Variants in LSM8 observed in about 807,000 individuals in gnomAD.
LSM8 encodes the protein LSM8 homolog, U6 small nuclear RNA associated.
LSM8 carries 14 observed loss-of-function variants against 15.0 expected under a neutral mutation model. The ratio of observed to expected loss-of-function variants is 0.93; its 90% CI spans 0.62 to 1.46. The LOEUF is 1.46. Among genes scored for constraint, LSM8 ranks in the 40% most tolerant of loss-of-function variants. The pLI is 0.00. For synonymous variants in LSM8, 50 were observed against 42.1 expected, an observed-to-expected ratio of 1.19 and a Z score of -0.73; for missense variants, 90 against 115.4, an observed-to-expected ratio of 0.78 and a Z score of 1.01.
In LSM8 at chr7:118,197,193, AG is replaced by A. The variant is rs1378185207; in HGVS notation, c.*5193del. 3.4e-5 allele frequency among the ~76,000 whole-genome samples: 3 copies of A among 88,596 alleles called. No individual in the cohort carries two copies. The East Asian group carries it at 8.9e-4, about 26-fold the overall frequency. 58.1% of individuals were successfully genotyped at this position (88,596 alleles called of 152,430 possible). A position where few individuals can be genotyped will look rare whatever the true frequency, so the allele number is the denominator to read the frequency against. On this transcript the variant is annotated 3_prime_UTR_variant, in exon 4 of 4. Coordinates refer to ENST00000249299, the MANE Select transcript of LSM8 (RefSeq NM_016200.5). ...CACTGCATATATTTTGCTATTATGTAGGTTTTTTTTTTTTTTCCACATATAC... is the reference window on the plus strand; with the variant it reads ...CACTGCATATATTTTGCTATTATGTAGTTTTTTTTTTTTTTCCACATATAC...
rs1809115598 is a variant in LSM8, at chr7:118,198,430, T to A, written c.*6428T>A. On this transcript the variant is annotated 3_prime_UTR_variant, in exon 4 of 4. Coordinates refer to ENST00000249299, the MANE Select transcript of LSM8 (RefSeq NM_016200.5). ...AGAAAGAAGAATAAACCTTAACAACTCATTAGTAATCCTTCATTTCCTGAG... is the reference window on the plus strand; with the variant it reads ...AGAAAGAAGAATAAACCTTAACAACACATTAGTAATCCTTCATTTCCTGAG... 6.6e-6 allele frequency among the ~76,000 whole-genome samples: 1 copy of A among 152,148 alleles called. No individual in the cohort carries two copies. The highest frequency in any genetic ancestry group is 1.9e-4 in the East Asian group (1 of 5,160).
At chr7:118,186,929 TTTG>T (rs1164735717) in intron 2 of LSM8, among the ~76,000 whole-genome samples, 5 of 152,216 alleles carry the variant, frequency 3.3e-5, no homozygotes, top group Admixed American at 2.0e-4. Flanking sequence ...TTTTCTTATT[TTTG>T]TTGACAGGGT....
At chr7:118,184,420 CCCGCTGCTGCGGGCCCA>C in intron 1 of LSM8, 166 bp downstream of exon 1, 1 of 762,020 alleles carries the variant, frequency 1.3e-6, no homozygotes, top group Non-Finnish European at 1.9e-6. Flanking sequence ...CTCGAGCCTT[CCCGCTGCTGCGGGCCCA>C]GGGGTCCTTT....
rs1398406088 is a variant in LSM8 at position 118,199,087 on chromosome 7, G to C, written c.*7085G>C. On this transcript the variant is annotated 3_prime_UTR_variant, in exon 4 of 4. Coordinates refer to ENST00000249299, the MANE Select transcript of LSM8 (RefSeq NM_016200.5). ...AGAGGACATCTTGAAGTTTGTGCCTGGTTTCTCCTGATTTTCACCCTGCAC... is the reference window on the plus strand; with the variant it reads ...AGAGGACATCTTGAAGTTTGTGCCTCGTTTCTCCTGATTTTCACCCTGCAC... Among the ~76,000 whole-genome samples, 2 of 152,136 alleles carry C rather than the reference G, an allele frequency of 1.3e-5. No individual in the cohort carries two copies. Among genetic ancestry groups the C allele is most frequent in the Non-Finnish European group, 2.9e-5 (2 of 68,014 alleles).
chr7:118,188,335 C>T lies in LSM8; in HGVS notation c.130C>T (p.Arg44Ter), dbSNP rs767758783. ...INLILDESHERVFSSSQGVEQ... is the reference protein window; with the variant it reads ...INLILDESHE ...TTTGATTTTGGATGAAAGCCATGAA[C>T]GAGTATTCAGCTCTTCACAGGGGGT... The change falls in exon 3 of 4, where the codon CGA becomes TGA. Residue 44 changes from arginine to a stop codon, truncating the protein, a stop_gained. Coordinates refer to ENST00000249299, the MANE Select transcript of LSM8 (RefSeq NM_016200.5). LOFTEE classifies it high-confidence loss of function. The T allele has an allele frequency of 2.5e-6, 4 of 1,613,078 alleles. No individual in the cohort carries two copies. Among genetic ancestry groups the T allele is most frequent in the Non-Finnish European group, 3.4e-6 (4 of 1,179,236 alleles).
intron 1 of LSM8, 68 bp downstream of exon 1, chr7:118,184,322 G>A (rs1808845409): frequency 7.1e-7 from 1 of 1,410,754 alleles, no homozygotes; most frequent in Non-Finnish European, 9.3e-7. Context: ...GGGATCGGTG[G>A]GAGGTTGGGA....
intron 3 of LSM8, 154 bp from the exon 4 acceptor site, chr7:118,191,758 G>T: frequency 1.7e-6 from 1 of 587,790 alleles, no homozygotes; most frequent in East Asian, 2.9e-5. Flanking sequence ...TCACGCCAAT[G>T]TTGTTTGCTT....
Position 118,195,178 on chromosome 7 carries a change from T to C in LSM8, c.*3176T>C, listed in dbSNP as rs1353703366. On this transcript the variant is annotated 3_prime_UTR_variant, in exon 4 of 4. Coordinates refer to ENST00000249299, the MANE Select transcript of LSM8 (RefSeq NM_016200.5). The stretch of plus-strand genomic sequence containing the variant: ...TCGTTGTGGTTCAGCAGCTGTGTAA[T>C]GGAGCAAAAAGGAATAGTCACTAAA... 6.6e-6 allele frequency among the ~76,000 whole-genome samples: 1 copy of C among 152,118 alleles called. No homozygotes were observed. Among genetic ancestry groups the C allele is most frequent in the Non-Finnish European group, 1.5e-5 (1 of 68,008 alleles).
chr7:118,188,469 T>C, intron 3 of LSM8, 64 bp downstream of exon 3: 1 of 1,436,390 alleles, frequency 7.0e-7, no homozygotes, highest in Non-Finnish European at 9.6e-7. Flanking sequence ...GAAGAGGCTT[T>C]CCCCAAAATA....
rs1435764756 is a variant in LSM8 at position 118,195,833 on chromosome 7, T to A, written c.*3831T>A. ...TGTCTACATGTAATACTGAAAAAAA[T>A]GTTGATAAGGTAAAGCTATCTCCAT... On this transcript the variant is annotated 3_prime_UTR_variant, in exon 4 of 4. Coordinates refer to ENST00000249299, the MANE Select transcript of LSM8 (RefSeq NM_016200.5). Among the ~76,000 whole-genome samples, 1 of 152,134 alleles carries A rather than the reference T, an allele frequency of 6.6e-6. No homozygotes were observed. Among genetic ancestry groups the A allele is most frequent in the East Asian group, 1.9e-4 (1 of 5,190 alleles).
At position 118,203,734 on chromosome 7, in the gene LSM8, G is replaced by T. The variant is rs563263326; in HGVS notation, c.*11732G>T. Among the ~76,000 whole-genome samples, 42 of 151,792 alleles carry T rather than the reference G, an allele frequency of 2.8e-4. No homozygotes were observed. The highest frequency in any genetic ancestry group is 9.9e-4 in the African/African-American group (41 of 41,486). On this transcript the variant is annotated 3_prime_UTR_variant, in exon 4 of 4. Transcript: ENST00000249299. ...TCCTTTTTATGATTCTATAGTAACAGTTTAGTTGAGAAAATAAATCATAAT... is the reference window on the plus strand; with the variant it reads ...TCCTTTTTATGATTCTATAGTAACATTTTAGTTGAGAAAATAAATCATAAT...
chr7:118,196,257 C>G lies in LSM8; in HGVS notation c.*4255C>G, dbSNP rs1394419905. ...TCTGTATCTACCTCAACCAAATCAT[C>G]TTGACTCAGATTTACTGTCGAAGGT... is the stretch of plus-strand genomic sequence containing the variant. On this transcript the variant is annotated 3_prime_UTR_variant, in exon 4 of 4. Coordinates refer to ENST00000249299, the MANE Select transcript of LSM8 (RefSeq NM_016200.5). Among the ~76,000 whole-genome samples the G allele has an allele frequency of 6.6e-6, 1 of 152,164 alleles. No individual in the cohort carries two copies. Among genetic ancestry groups the G allele is most frequent in the African/African-American group, 2.4e-5 (1 of 41,438 alleles).
rs1450933159 is a variant in LSM8, at chr7:118,195,115, A to G, written c.*3113A>G. 2.0e-5 allele frequency among the ~76,000 whole-genome samples: 3 copies of G among 152,180 alleles called. No homozygotes were observed. In the East Asian group the frequency reaches 5.8e-4, roughly 29 times the overall value. On this transcript the variant is annotated 3_prime_UTR_variant, in exon 4 of 4. Coordinates refer to ENST00000249299, the MANE Select transcript of LSM8 (RefSeq NM_016200.5). Reference sequence around the variant, plus strand: ...TGCATTGTGGGCCGTTTTCATTACAATTACCTAAGGTGCTTTAAAAATTTT... The same window carrying G: ...TGCATTGTGGGCCGTTTTCATTACAGTTACCTAAGGTGCTTTAAAAATTTT...
rs1809047901 is a variant in LSM8, at chr7:118,194,684, T to G, written c.*2682T>G. Among the ~76,000 whole-genome samples the G allele has an allele frequency of 6.6e-6, 1 of 152,190 alleles. No homozygotes were observed. Among genetic ancestry groups the G allele is most frequent in the Non-Finnish European group, 1.5e-5 (1 of 68,012 alleles). ...TTTCCTCAGCCGTGTAACCTGAGAT[T>G]CATCATGGGAATGAGAAAGTAAAGG... On this transcript the variant is annotated 3_prime_UTR_variant, in exon 4 of 4. Coordinates refer to ENST00000249299, the MANE Select transcript of LSM8 (RefSeq NM_016200.5).
rs1382464872 is a variant in LSM8 at position 118,197,915 on chromosome 7, T to TTA, written c.*5913_*5914insTA. Reference sequence around the variant, plus strand: ...TAAGCAGTTAGCACTCCCTAGAACATACTAATTTGTCAATATTAATGATAG... The same window carrying TTA: ...TAAGCAGTTAGCACTCCCTAGAACATTAACTAATTTGTCAATATTAATGATAG... On this transcript the variant is annotated 3_prime_UTR_variant, in exon 4 of 4. Coordinates refer to ENST00000249299, the MANE Select transcript of LSM8 (RefSeq NM_016200.5). 6.6e-6 allele frequency among the ~76,000 whole-genome samples: 1 copy of TTA among 152,176 alleles called. No homozygotes were observed. The highest frequency in any genetic ancestry group is 1.5e-5 in the Non-Finnish European group (1 of 68,018).
chr7:118,203,343 ACTAATATTTCTGATAT>A lies in LSM8; in HGVS notation c.*11343_*11358del, dbSNP rs1809198200. 6.6e-6 allele frequency among the ~76,000 whole-genome samples: 1 copy of A among 151,912 alleles called. No homozygotes were observed. The highest frequency in any genetic ancestry group is 2.4e-5 in the African/African-American group (1 of 41,424). Reference sequence around the variant, plus strand: ...TTTTCCCATTTCCCTTGAAGAAGATACTAATATTTCTGATATCATATAGGAGTAAAAATTGCGGGGA... The same window carrying A: ...TTTTCCCATTTCCCTTGAAGAAGATACATATAGGAGTAAAAATTGCGGGGA... On this transcript the variant is annotated 3_prime_UTR_variant, in exon 4 of 4. Transcript: ENST00000249299.
chr7:118,188,504 T>G (rs1808924294), intron 3 of LSM8, 99 bp downstream of exon 3: 1 of 1,080,192 alleles, frequency 9.3e-7, no homozygotes, highest in Non-Finnish European at 1.3e-6. Context: ...CCATACATAG[T>G]TAATAGAATC....
At position 118,203,956 on chromosome 7, in the gene LSM8, C is replaced by T; in HGVS notation, c.*11954C>T. On this transcript the variant is annotated 3_prime_UTR_variant, in exon 4 of 4. Coordinates refer to ENST00000249299, the MANE Select transcript of LSM8 (RefSeq NM_016200.5). The stretch of plus-strand genomic sequence containing the variant: ...TTACCTATGAATTGCTCAGTTCTAA[C>T]AATGATTTGTAAATTTTAATACTAT... Among the ~76,000 whole-genome samples the T allele has an allele frequency of 1.3e-5, 2 of 151,692 alleles. No homozygotes were observed. The highest frequency in any genetic ancestry group is 4.8e-5 in the African/African-American group (2 of 41,460).
At chr7:118,185,842 C>G (rs1186017616) in intron 2 of LSM8, 148 bp downstream of exon 2, 1 of 681,318 alleles carries the variant, frequency 1.5e-6, no homozygotes, top group African/African-American at 1.8e-5. Context: ...ACTTTGCTGT[C>G]AATCCATGTT....
Sources: gnomAD v4.1 joint callset for allele counts (sites outside exome capture counted in the v4.1 genomes callset) on GRCh38, gnomAD v4.1.1 for gene constraint, MANE v1.5 for transcripts, NCBI Gene and HGNC (gene_info 2026-07-23, HGNC 2026-07-21) for gene names.